Variants in DEUP1 observed in about 807,000 individuals in gnomAD.
DEUP1 encodes the protein coiled-coil domain containing 67.
Under a neutral mutation model 87.4 loss-of-function variants are expected in DEUP1, and 82 were observed. The observed-to-expected ratio is 0.94, with a 90% CI of 0.78 to 1.13. DEUP1 has a LOEUF of 1.13. Among genes scored for constraint, DEUP1 ranks in the 50% most tolerant of loss-of-function variants. DEUP1 has a pLI of 0.00. For synonymous variants in DEUP1, 214 were observed against 222.7 expected (o/e 0.96, Z 0.35); for missense variants, 663 against 681.5 (o/e 0.97, Z 0.30).
intron 3 of DEUP1, among the ~76,000 whole-genome samples, chr11:93,356,204 T>C (rs1261538249): frequency 6.6e-6 from 1 of 152,248 alleles, no homozygotes; most frequent in Non-Finnish European, 1.5e-5. Flanking sequence ...TTGCTAGTTA[T>C]ATACCGTAAC....
intron 5 of DEUP1, among the ~76,000 whole-genome samples, chr11:93,368,442 A>C (rs1945531518): frequency 6.6e-6 from 1 of 152,354 alleles, no homozygotes; most frequent in Non-Finnish European, 1.5e-5. Flanking sequence ...ACAGTTCCAC[A>C]GGTTGTACAG....
chr11:93,413,710 A>G (rs1947516990), intron 12 of DEUP1, among the ~76,000 whole-genome samples: 1 of 152,166 alleles, frequency 6.6e-6, no homozygotes, highest in Non-Finnish European at 1.5e-5. Context: ...CAAAATCTCA[A>G]TGTTATTGTT....
At chr11:93,393,231 G>A (rs1396505581) in intron 9 of DEUP1, among the ~76,000 whole-genome samples, 3 of 151,628 alleles carry the variant, frequency 2.0e-5, no homozygotes, top group Non-Finnish European at 4.4e-5. Flanking sequence ...GACTAACTGA[G>A]ACTGAATGCA....
intron 7 of DEUP1, among the ~76,000 whole-genome samples, chr11:93,372,662 A>G (rs1945800605): frequency 6.6e-6 from 1 of 152,206 alleles, no homozygotes; most frequent in Non-Finnish European, 1.5e-5. Context: ...TTCAGAGGCA[A>G]TTGTAAGACA....
Position 93,395,488 on chromosome 11 carries a change from C to G in DEUP1, c.1240-751C>G, listed in dbSNP as rs190396643. ...ATTGTTGCAGTACACAGGAAAACAG[C>G]ACAGATGGGATAATCTCTTTGGTTG... On this transcript the variant is annotated intron_variant, in intron 10 of 13. Coordinates refer to ENST00000298050, the MANE Select transcript of DEUP1 (RefSeq NM_181645.4). Among the ~76,000 whole-genome samples the G allele has an allele frequency of 1.6e-4, 25 of 152,284 alleles. 1 individual carries two copies. The highest frequency in any genetic ancestry group is 1.0e-3 in the South Asian group (5 of 4,830).
intron 5 of DEUP1, among the ~76,000 whole-genome samples, chr11:93,365,459 G>A (rs1027978932): frequency 5.3e-5 from 8 of 152,084 alleles, no homozygotes; most frequent in African/African-American, 1.7e-4. Context: ...GGAAGATGCC[G>A]ATAGATGTGC....
intron 11 of DEUP1, among the ~76,000 whole-genome samples, chr11:93,407,683 CAT>C (rs1947318080): frequency 1.3e-5 from 2 of 151,734 alleles, no homozygotes; most frequent in South Asian, 4.2e-4. Context: ...TTTATGTGCC[CAT>C]ATATTAATAC....
intron 13 of DEUP1, among the ~76,000 whole-genome samples, chr11:93,433,245 G>A (rs567162872): frequency 6.6e-6 from 1 of 152,176 alleles, no homozygotes; most frequent in Admixed American, 6.5e-5. Context: ...TAAGTAAGAG[G>A]CCAGGAGCTG....
chr11:93,418,953 A>T (rs1348371854), intron 13 of DEUP1, among the ~76,000 whole-genome samples: 1 of 150,236 alleles, frequency 6.7e-6, no homozygotes, highest in Middle Eastern at 3.2e-3. Flanking sequence ...AACACTGCAT[A>T]TTCTCACTCA....
rs371318397 is a variant in DEUP1, at chr11:93,431,168, G to C, written c.1639-6375G>C. ...AAATGCTGTGATGAAAAGAAAAGCA[G>C]GTAATGTGATAGGGAGTGATGAAAG... is the stretch of plus-strand genomic sequence containing the variant. On this transcript the variant is annotated intron_variant, in intron 13 of 13. Transcript: ENST00000298050. Among the ~76,000 whole-genome samples the C allele has an allele frequency of 1.8e-4, 28 of 151,874 alleles. No homozygotes were observed. The South Asian group carries it at 2.9e-3, about 16-fold the overall frequency.
intron 7 of DEUP1, among the ~76,000 whole-genome samples, chr11:93,374,157 G>C (rs1199542470): frequency 6.6e-6 from 1 of 151,948 alleles, no homozygotes; most frequent in Middle Eastern, 3.2e-3. Flanking sequence ...TGATTTGTTT[G>C]ATCTCCTTAT....
chr11:93,357,584 A>C, intron 4 of DEUP1: 1 of 152,426 alleles, frequency 6.6e-6, no homozygotes, highest in East Asian at 1.9e-4. Context: ...GAAGGCACAC[A>C]AAATGCCTTC....
rs1486822447 is a variant in DEUP1 at position 93,427,907 on chromosome 11, A to T, written c.1639-9636A>T. Among the ~76,000 whole-genome samples, 8 of 146,640 alleles carry T rather than the reference A, an allele frequency of 5.5e-5. No homozygotes were observed. In the Admixed American group the frequency reaches 5.5e-4, roughly 10 times the overall value. On this transcript the variant is annotated intron_variant, in intron 13 of 13. Coordinates refer to ENST00000298050, the MANE Select transcript of DEUP1 (RefSeq NM_181645.4). The stretch of plus-strand genomic sequence containing the variant: ...TCATCACTGCATCAGAGAAATGCAA[A>T]TCAAAACCACAATGAGATACCATCT...
At position 93,415,095 on chromosome 11, in the gene DEUP1, A is replaced by G. The variant is rs757283144; in HGVS notation, c.1619A>G (p.Asp540Gly). The G allele has an allele frequency of 1.2e-6, 2 of 1,609,272 alleles. No homozygotes were observed. The highest frequency in any genetic ancestry group is 2.7e-5 in the African/African-American group (2 of 74,664). ...AKEMTSPLVS[D>G]DDVFPLSPPD... Reference sequence around the variant, plus strand: ...GAAATGACAAGTCCTTTGGTTAGTGATGATGATGTATTCCCACTGGTGAGT... The same window carrying G: ...GAAATGACAAGTCCTTTGGTTAGTGGTGATGATGTATTCCCACTGGTGAGT... Residue 540 changes from aspartate (D) to glycine (G), a missense_variant, in exon 13 of 14, where the codon GAT (aspartate) becomes GGT (glycine). Transcript: ENST00000298050.
intron 11 of DEUP1, among the ~76,000 whole-genome samples, chr11:93,401,108 A>G (rs1340923866): frequency 6.6e-6 from 1 of 152,210 alleles, no homozygotes; most frequent in Non-Finnish European, 1.5e-5. Flanking sequence ...GTTTCAGGAT[A>G]TAAAAACATA....
At position 93,408,430 on chromosome 11, in the gene DEUP1, A is replaced by G; in HGVS notation, c.1523+3A>G. 1 of 1,517,224 alleles carries G rather than the reference A, an allele frequency of 6.6e-7. No individual in the cohort carries two copies. The highest frequency in any genetic ancestry group is 8.9e-7 in the Non-Finnish European group (1 of 1,125,294). The allele number at this position is 1,517,224 out of a possible 1,614,324, so 94.0% of individuals were successfully genotyped here. A position where few individuals can be genotyped will look rare whatever the true frequency, so the allele number is the denominator to read the frequency against. ...AAAGTGGAACAAAATGAAGAGAGGT[A>G]TGCTGGCTCCATTATATAAGGGCAT... On this transcript the variant is annotated splice_donor_region_variant and intron_variant, in intron 12 of 13. Coordinates refer to ENST00000298050, the MANE Select transcript of DEUP1 (RefSeq NM_181645.4).
intron 5 of DEUP1, among the ~76,000 whole-genome samples, chr11:93,367,639 A>G (rs189139928): frequency 6.6e-6 from 1 of 152,290 alleles, no homozygotes; most frequent in African/African-American, 2.4e-5. Flanking sequence ...TTAAATTATG[A>G]AATAGTTCCA....
Position 93,437,610 on chromosome 11 carries a change from G to A in DEUP1, c.1706G>A (p.Arg569Gln), listed in dbSNP as rs769117187. The A allele has an allele frequency of 5.6e-6, 9 of 1,612,948 alleles. No individual in the cohort carries two copies. Among genetic ancestry groups the A allele is most frequent in the East Asian group, 2.2e-5 (1 of 44,872 alleles). ...AQHFLLEEEK[R>Q]AKELEKLLNT... ...CATTTCCTTCTGGAAGAAGAGAAAC[G>A]AGCAAAAGAACTTGAAAAACTTCTA... Residue 569 changes from arginine to glutamine, a missense_variant, in exon 14 of 14, where the codon CGA (arginine) becomes CAA (glutamine). Coordinates refer to ENST00000298050, the MANE Select transcript of DEUP1 (RefSeq NM_181645.4).
intron 2 of DEUP1, among the ~76,000 whole-genome samples, chr11:93,354,279 T>C (rs2134208804): frequency 6.6e-6 from 1 of 152,228 alleles, no homozygotes; most frequent in East Asian, 1.9e-4. Context: ...AAGTTCCTCA[T>C]CTCCATCTGG....
Sources: allele counts gnomAD v4.1 joint callset (sites outside exome capture counted in the v4.1 genomes callset), GRCh38; gene constraint gnomAD v4.1.1; transcripts MANE v1.5; gene names NCBI Gene and HGNC (gene_info 2026-07-23, HGNC 2026-07-21).